TRIM42: variants seen among roughly 807,000 people sequenced by gnomAD.
TRIM42 encodes the protein tripartite motif containing 42, also known as tripartite motif-containing protein 42.
TRIM42 carries 59 observed loss-of-function variants against 64.9 expected under a neutral mutation model. The observed-to-expected ratio is 0.91, with a 90% CI of 0.74 to 1.13. The LOEUF is 1.13. TRIM42 is among the 50% of genes most tolerant of loss of function. TRIM42 has a pLI of 0.00. For missense variants in TRIM42, 878 were observed against 929.5 expected, an observed-to-expected ratio of 0.94 and a Z score of 0.72; for synonymous variants, 354 against 346.3, an observed-to-expected ratio of 1.02 and a Z score of -0.25.
chr3:140,687,674 C>T (rs1283893232), intron 2 of TRIM42, 48 bp from the exon 3 acceptor site: 2 of 1,435,382 alleles, frequency 1.4e-6, no homozygotes, highest in Non-Finnish European at 1.9e-6. Flanking sequence ...GACTTTGACA[C>T]CTGGGGAGAT....
intron 1 of TRIM42, among the ~76,000 whole-genome samples, chr3:140,679,957 G>A (rs994888899): frequency 1.3e-5 from 2 of 149,512 alleles, no homozygotes; most frequent in East Asian, 2.0e-4. Context: ...CCCCCACCCC[G>A]CTTCAGGTGA....
At chr3:140,699,216 A>G (rs568309638) in intron 4 of TRIM42, among the ~76,000 whole-genome samples, 1 of 152,324 alleles carries the variant, frequency 6.6e-6, no homozygotes, top group African/African-American at 2.4e-5. Flanking sequence ...TTTTTAATAC[A>G]GTTTACTTCA....
chr3:140,691,334 A>C (rs1018967270), intron 4 of TRIM42, 142 bp downstream of exon 4: 2 of 719,012 alleles, frequency 2.8e-6, no homozygotes, highest in African/African-American at 3.6e-5. Context: ...CTTGAGGCCA[A>C]AGAGAGGGCT....
At chr3:140,685,202 A>C (rs1196040469) in intron 2 of TRIM42, among the ~76,000 whole-genome samples, 1 of 152,230 alleles carries the variant, frequency 6.6e-6, no homozygotes, top group Non-Finnish European at 1.5e-5. Context: ...ACAGATCTCC[A>C]GGTTATTCAA....
At chr3:140,681,424 T>C (rs148969034) in intron 1 of TRIM42, among the ~76,000 whole-genome samples, 28 of 152,152 alleles carry the variant, frequency 1.8e-4, no homozygotes, top group African/African-American at 5.8e-4. Context: ...CTTTGACTTA[T>C]AGTTGAGAAA....
chr3:140,690,449 A>G (rs1988674213), intron 3 of TRIM42, among the ~76,000 whole-genome samples: 1 of 150,356 alleles, frequency 6.7e-6, no homozygotes, highest in Admixed American at 6.6e-5. Context: ...ATGGTAGTTT[A>G]CTGAATTTTT....
At chr3:140,696,867 T>C (rs980333869) in intron 4 of TRIM42, among the ~76,000 whole-genome samples, 5 of 152,340 alleles carry the variant, frequency 3.3e-5, no homozygotes, top group Non-Finnish European at 4.4e-5. Context: ...CTCTAAGTAC[T>C]GGGGGTTAGG....
At chr3:140,684,842 G>A (rs950308531) in intron 2 of TRIM42, among the ~76,000 whole-genome samples, 8 of 152,170 alleles carry the variant, frequency 5.3e-5, no homozygotes, top group African/African-American at 1.9e-4. Flanking sequence ...GCATGGTGAA[G>A]GCACTGCCGC....
intron 2 of TRIM42, among the ~76,000 whole-genome samples, chr3:140,686,199 A>G (rs1021611069): frequency 2.6e-5 from 4 of 152,216 alleles, no homozygotes; most frequent in Non-Finnish European, 2.9e-5. Context: ...CTTTAACAGT[A>G]GGTAACTATT....
intron 4 of TRIM42, among the ~76,000 whole-genome samples, chr3:140,692,562 C>CAGAGAG (rs772925740): frequency 1.8e-5 from 2 of 114,114 alleles, no homozygotes; most frequent in African/African-American, 5.9e-5. Flanking sequence ...CACACACACA[C>CAGAGAG]AGAGAGAGAT....
Position 140,699,873 on chromosome 3 carries a change from G to T in TRIM42, c.2086-1015G>T, listed in dbSNP as rs146286647. Among the ~76,000 whole-genome samples, 1,023 of 152,290 alleles carry T rather than the reference G, an allele frequency of 6.7e-3. 8 individuals are homozygous for T. The highest frequency in any genetic ancestry group is 0.023 in the African/African-American group (975 of 41,554). ...ACCAAAAATTTTGTAAAAGTAGAGA[G>T]CATAATGCTAATAAGGGTCTGGCTT... On this transcript the variant is annotated intron_variant, in intron 4 of 4. Transcript: ENST00000286349.
intron 4 of TRIM42, among the ~76,000 whole-genome samples, chr3:140,696,529 G>A (rs1988855457): frequency 6.6e-6 from 1 of 152,182 alleles, no homozygotes; most frequent in African/African-American, 2.4e-5. Flanking sequence ...CGTTCTCTGG[G>A]TTATTGATTA....
chr3:140,698,114 C>G (rs936200704), intron 4 of TRIM42, among the ~76,000 whole-genome samples: 4 of 152,324 alleles, frequency 2.6e-5, no homozygotes, highest in Non-Finnish European at 5.9e-5. Context: ...TGAACCTCAG[C>G]TTTCTGCCAT....
At chr3:140,680,767 T>C (rs75431425) in intron 1 of TRIM42, 18,411 of 931,828 alleles carry the variant, frequency 0.02, 269 homozygotes, top group East Asian at 0.11. Flanking sequence ...AGGGACAAAT[T>C]TTCCAGGTGC....
At chr3:140,693,934 G>A (rs140684839) in intron 4 of TRIM42, among the ~76,000 whole-genome samples, 3,624 of 152,280 alleles carry the variant, frequency 0.024, 73 homozygotes, top group Middle Eastern at 0.037. Context: ...TGGGAAAGGA[G>A]GAAGTGATTG....
In TRIM42 at chr3:140,683,533, C is replaced by T. The variant is rs188051842; in HGVS notation, c.1039+374C>T. On this transcript the variant is annotated intron_variant, in intron 2 of 4. Coordinates refer to ENST00000286349, the MANE Select transcript of TRIM42 (RefSeq NM_152616.5). ...TCATGTCCTCAGGTCTCATTTTCTC[C>T]TTTGGAAAATGAAGACTTTGATCCT... Among the ~76,000 whole-genome samples, 351 of 152,302 alleles carry T rather than the reference C, an allele frequency of 2.3e-3. 1 individual carries two copies. Among genetic ancestry groups the T allele is most frequent in the African/African-American group, 7.1e-3 (296 of 41,568 alleles).
intron 4 of TRIM42, 37 bp from the exon 5 acceptor site, chr3:140,700,851 T>C (rs1988982290): frequency 1.3e-6 from 2 of 1,597,692 alleles, no homozygotes; most frequent in Non-Finnish European, 1.7e-6. Flanking sequence ...GGAGCTGTTG[T>C]CTATTGGGTG....
intron 4 of TRIM42, among the ~76,000 whole-genome samples, chr3:140,694,224 G>T (rs892683304): frequency 1.3e-5 from 2 of 152,214 alleles, no homozygotes; most frequent in African/African-American, 4.8e-5. Context: ...TCAAGATTAC[G>T]CATTGAAAAG....
intron 4 of TRIM42, among the ~76,000 whole-genome samples, chr3:140,700,469 T>C (rs1396263956): frequency 6.6e-6 from 1 of 151,822 alleles, no homozygotes. Context: ...CCAATCAAGG[T>C]GCTCATGGTC....
Sources: allele counts gnomAD v4.1 joint callset (sites outside exome capture counted in the v4.1 genomes callset), GRCh38; gene constraint gnomAD v4.1.1; transcripts MANE v1.5; gene names NCBI Gene and HGNC (gene_info 2026-07-23, HGNC 2026-07-21).